Variants in C2orf66 observed in about 807,000 individuals in gnomAD.
The protein encoded by C2orf66 is chromosome 2 open reading frame 66.
C2orf66 carries 6 observed loss-of-function variants against 7.0 expected under a neutral mutation model. That is an observed-to-expected ratio of 0.86 (90% CI 0.47 to 1.69). The LOEUF (loss-of-function observed/expected upper bound fraction) is 1.69. Among genes scored for constraint, C2orf66 ranks in the 40% most tolerant of loss-of-function variants. C2orf66 has a pLI of 0.01. For synonymous variants in C2orf66, 38 were observed against 43.8 expected, an observed-to-expected ratio of 0.87 and a Z score of 0.52; for missense variants, 107 against 112.0, an observed-to-expected ratio of 0.96 and a Z score of 0.20.
upstream of C2orf66, chr2:196,810,303 G>A (rs565536142): frequency 4.5e-4 from 68 of 152,254 alleles, no homozygotes; most frequent in African/African-American, 1.4e-3. Flanking sequence ...CTATTAGAAC[G>A]TTCTTTTGGA....
At chr2:196,823,205 C>T in the C2orf66 span, among the ~76,000 whole-genome samples, 1 of 151,982 alleles carries the variant, frequency 6.6e-6, no homozygotes, top group Non-Finnish European at 1.5e-5. Context: ...TTAACAACTA[C>T]GTAGATGTAG....
upstream of C2orf66, among the ~76,000 whole-genome samples, chr2:196,812,814 T>TGAAC (rs1699889455): frequency 6.6e-6 from 1 of 152,070 alleles, no homozygotes; most frequent in Non-Finnish European, 1.5e-5. Context: ...AAATCATGAG[T>TGAAC]GAACTCCCAT....
the C2orf66 span, among the ~76,000 whole-genome samples, chr2:196,830,703 A>T: frequency 6.6e-6 from 1 of 152,092 alleles, no homozygotes; most frequent in Non-Finnish European, 1.5e-5. Context: ...TCTCTCTTAC[A>T]CTGTTTTAAT....
the C2orf66 span, among the ~76,000 whole-genome samples, chr2:196,828,013 T>G: frequency 6.6e-6 from 1 of 152,192 alleles, no homozygotes; most frequent in African/African-American, 2.4e-5. Flanking sequence ...AAGGTCAATT[T>G]GACCTTATAT....
chr2:196,829,441 T>TTAG, the C2orf66 span, among the ~76,000 whole-genome samples: 4 of 151,760 alleles, frequency 2.6e-5, no homozygotes. Flanking sequence ...ATACAAAAAA[T>TTAG]AACCGGGCAT....
At chr2:196,817,051 G>A in the C2orf66 span, among the ~76,000 whole-genome samples, 220 of 152,168 alleles carry the variant, frequency 1.4e-3, no homozygotes, top group African/African-American at 5.1e-3. Context: ...GGAGTAGGTC[G>A]CAAAGATTAC....
At chr2:196,822,706 T>C in the C2orf66 span, among the ~76,000 whole-genome samples, 1 of 152,200 alleles carries the variant, frequency 6.6e-6, no homozygotes, top group South Asian at 2.1e-4. Flanking sequence ...GGAAAAATAC[T>C]GATTCTGTGA....
At chr2:196,819,862 G>C in the C2orf66 span, among the ~76,000 whole-genome samples, 1 of 152,214 alleles carries the variant, frequency 6.6e-6, no homozygotes, top group Non-Finnish European at 1.5e-5. Context: ...TTAATAAGGA[G>C]GGGAGAGATA....
Position 196,809,200 on chromosome 2 carries a change from A to T in C2orf66, c.123+14T>A. 2.5e-6 allele frequency: 4 copies of T among 1,612,310 alleles called. No homozygotes were observed. The highest frequency in any genetic ancestry group is 2.5e-6 in the Non-Finnish European group (3 of 1,178,854). On this transcript the variant is annotated intron_variant, in intron 1 of 2. Transcript: ENST00000342506. ...AGTTCTATCCTGAAACCCAGGCCCC[A>T]AGTGTGTTCTTACCAGATCTCTGTT...
chr2:196,823,365 G>A, the C2orf66 span, among the ~76,000 whole-genome samples: 2 of 152,168 alleles, frequency 1.3e-5, no homozygotes, highest in African/African-American at 4.8e-5. Flanking sequence ...GCTCATGTCT[G>A]TAATCCTAGC....
Position 196,807,433 on chromosome 2 carries a change from GA to G in C2orf66, c.*9del, listed in dbSNP as rs766772329. On this transcript the variant is annotated 3_prime_UTR_variant, in exon 2 of 3. Coordinates refer to ENST00000342506, the MANE Select transcript of C2orf66 (RefSeq NM_213608.3). ...AAGGGCCAACTTTTACCTGAGCTCA[GA>G]AGAAACTTTCAGCCTTTGAGATAAT... 1.9e-6 allele frequency: 3 copies of G among 1,602,774 alleles called. No homozygotes were observed. In the South Asian group the frequency reaches 3.4e-5, roughly 18 times the overall value.
intron 1 of C2orf66, among the ~76,000 whole-genome samples, chr2:196,808,459 G>C (rs1699839374): frequency 6.6e-6 from 1 of 152,134 alleles, no homozygotes; most frequent in South Asian, 2.1e-4. Context: ...AGAGCAATGA[G>C]AGCAGGTCGG....
At chr2:196,823,518 G>T in the C2orf66 span, among the ~76,000 whole-genome samples, 1 of 151,920 alleles carries the variant, frequency 6.6e-6, no homozygotes, top group Admixed American at 6.6e-5. Context: ...CAGTTACTTG[G>T]GGGGGCTGAG....
chr2:196,812,364 C>G (rs1699885062), upstream of C2orf66, among the ~76,000 whole-genome samples: 1 of 152,146 alleles, frequency 6.6e-6, no homozygotes, highest in Non-Finnish European at 1.5e-5. Flanking sequence ...GCAGAAAAGG[C>G]CTTCGGCAAA....
At chr2:196,823,677 TATTATGTTA>T in the C2orf66 span, among the ~76,000 whole-genome samples, 2 of 141,638 alleles carry the variant, frequency 1.4e-5, no homozygotes, top group East Asian at 3.9e-4. Context: ...AGAAAGAAAT[TATTATGTTA>T]AATTTCAACA....
At chr2:196,812,941 A>T (rs901894740), upstream of C2orf66, among the ~76,000 whole-genome samples, 3 of 152,236 alleles carry the variant, frequency 2.0e-5, no homozygotes, top group Non-Finnish European at 1.5e-5. Context: ...GGACACAAAC[A>T]AATGGAAAAA....
At chr2:196,824,663 G>A in the C2orf66 span, among the ~76,000 whole-genome samples, 32 of 152,224 alleles carry the variant, frequency 2.1e-4, no homozygotes, top group South Asian at 5.4e-3. Context: ...CTTTGCTGTC[G>A]TGAAGTAATA....
the C2orf66 span, among the ~76,000 whole-genome samples, chr2:196,829,092 CA>C: frequency 4.2e-4 from 64 of 152,172 alleles, no homozygotes; most frequent in African/African-American, 1.5e-3. Context: ...CACACACGCA[CA>C]TTTTTTTTCA....
chr2:196,817,197 G>T, the C2orf66 span, among the ~76,000 whole-genome samples: 1 of 150,614 alleles, frequency 6.6e-6, no homozygotes, highest in Non-Finnish European at 1.5e-5. Context: ...ACTGACAAGG[G>T]TCTATGTTCA....
Sources: gnomAD v4.1 joint callset for allele counts (sites outside exome capture counted in the v4.1 genomes callset) on GRCh38, gnomAD v4.1.1 for gene constraint, MANE v1.5 for transcripts, NCBI Gene and HGNC (gene_info 2026-07-23, HGNC 2026-07-21) for gene names.